Variants in NCALD observed in about 807,000 individuals in gnomAD.
The protein encoded by NCALD is neurocalcin delta, also known as neurocalcin-delta.
Under a neutral mutation model 18.6 loss-of-function variants are expected in NCALD, and 10 were observed. That is an observed-to-expected ratio of 0.54 (90% CI 0.33 to 0.91). The LOEUF (loss-of-function observed/expected upper bound fraction) is 0.91. NCALD is among the 40% of genes least tolerant of loss of function. NCALD has a pLI of 0.03. For missense variants in NCALD, 184 were observed against 247.6 expected (o/e 0.74, Z 1.72); for synonymous variants, 88 against 87.4 (o/e 1.01, Z -0.04).
At chr8:101,830,008 A>G (rs370057845) in intron 4 of NCALD, among the ~76,000 whole-genome samples, 8 of 134,706 alleles carry the variant, frequency 5.9e-5, no homozygotes, top group African/African-American at 2.3e-4. Flanking sequence ...AACAAGTCTC[A>G]AAAGAAGCTG....
At position 102,063,037 on chromosome 8, in the gene NCALD, A is replaced by C. The variant is rs184624448; in HGVS notation, c.-209-42748T>G. Among the ~76,000 whole-genome samples, 18 of 152,338 alleles carry C rather than the reference A, an allele frequency of 1.2e-4. No homozygotes were observed. In the East Asian group the frequency reaches 3.5e-3, roughly 29 times the overall value. ...TATTATAACTCACTTAAATATATAG[A>C]AATACAAAATGATTTATATGCTTGT... On this transcript the variant is annotated intron_variant, in intron 1 of 6. Coordinates refer to the NCALD transcript ENST00000311028.
At chr8:101,772,671 GCCT>G in intron 1 of NCALD, among the ~76,000 whole-genome samples, 1 of 152,206 alleles carries the variant, frequency 6.6e-6, no homozygotes, top group Middle Eastern at 3.4e-3. Context: ...ATGCCATTTG[GCCT>G]CCTGGTACCT....
At chr8:101,912,910 C>T (rs926478107) in intron 3 of NCALD, among the ~76,000 whole-genome samples, 1 of 152,260 alleles carries the variant, frequency 6.6e-6, no homozygotes, top group African/African-American at 2.4e-5. Context: ...AAGGCATAAG[C>T]TGCCATGTTG....
chr8:101,785,620 C>T (rs544816287), intron 1 of NCALD, among the ~76,000 whole-genome samples: 23 of 152,202 alleles, frequency 1.5e-4, no homozygotes, highest in Middle Eastern at 3.4e-3. Flanking sequence ...TTTATTACAG[C>T]AGTGACCCTG....
chr8:102,123,889 C>G (rs1826025673), intron 1 of NCALD: 1 of 152,856 alleles, frequency 6.5e-6, no homozygotes, highest in South Asian at 2.0e-4. Context: ...CCAACGCCCC[C>G]TTCTGCCCAG....
rs1821617814 is a variant in NCALD, at chr8:102,004,542, A to G, written c.-157+15695T>C. Among the ~76,000 whole-genome samples the G allele has an allele frequency of 2.6e-5, 4 of 152,276 alleles. No homozygotes were observed. The South Asian group carries it at 8.3e-4, about 32-fold the overall frequency. On this transcript the variant is annotated intron_variant, in intron 2 of 6. Transcript: ENST00000311028. ...TGGAAAAAACTACTTTAAAGTTCAT[A>G]TGGAACCAAAAAAGAGCCCGCATCG...
chr8:101,691,698 G>A (rs1483411713), intron 3 of NCALD: 7 of 985,268 alleles, frequency 7.1e-6, no homozygotes, highest in Non-Finnish European at 8.4e-6. Flanking sequence ...CCTTTGTGGA[G>A]GAAACAAGCA....
At chr8:101,779,462 A>G (rs536375568) in intron 1 of NCALD, among the ~76,000 whole-genome samples, 2 of 152,298 alleles carry the variant, frequency 1.3e-5, no homozygotes, top group South Asian at 4.1e-4. Flanking sequence ...TTAGAAAAAT[A>G]AATATACATA....
chr8:101,976,526 T>C (rs1162708346), intron 2 of NCALD, among the ~76,000 whole-genome samples: 4 of 152,254 alleles, frequency 2.6e-5, no homozygotes, highest in African/African-American at 9.6e-5. Context: ...AGGCTAGTTG[T>C]AGCATTTGAT....
intron 2 of NCALD, among the ~76,000 whole-genome samples, chr8:101,708,104 C>A (rs920645489): frequency 6.6e-6 from 1 of 152,156 alleles, no homozygotes; most frequent in African/African-American, 2.4e-5. Context: ...CAAACCCAGA[C>A]AGACTGTCCC....
chr8:102,038,636 A>G (rs760975797), intron 1 of NCALD, among the ~76,000 whole-genome samples: 10 of 152,172 alleles, frequency 6.6e-5, no homozygotes, highest in Non-Finnish European at 1.5e-4. Flanking sequence ...TGGCATATCC[A>G]TATTCATTAG....
intron 2 of NCALD, among the ~76,000 whole-genome samples, chr8:101,980,430 G>T (rs1820576512): frequency 6.6e-6 from 1 of 152,166 alleles, no homozygotes; most frequent in African/African-American, 2.4e-5. Context: ...GGGGCTGCAG[G>T]TTTTTAAAAG....
At chr8:101,691,728 CACAAA>C in intron 3 of NCALD, 1 of 985,378 alleles carries the variant, frequency 1.0e-6, no homozygotes, top group Non-Finnish European at 1.2e-6. Context: ...GCCCATACCA[CACAAA>C]CCCAGATTCT....
intron 2 of NCALD, among the ~76,000 whole-genome samples, chr8:101,937,531 T>C (rs1818808662): frequency 6.6e-6 from 1 of 152,218 alleles, no homozygotes; most frequent in African/African-American, 2.4e-5. Context: ...TTCTTTTTTG[T>C]GGCTGCATAG....
intron 2 of NCALD, among the ~76,000 whole-genome samples, chr8:102,010,647 G>T (rs930528579): frequency 2.0e-5 from 3 of 152,206 alleles, no homozygotes; most frequent in Non-Finnish European, 2.9e-5. Context: ...AAGAGTAAAA[G>T]GAGAGCTGTC....
At chr8:101,816,099 T>G (rs576531594) in intron 4 of NCALD, among the ~76,000 whole-genome samples, 29 of 152,154 alleles carry the variant, frequency 1.9e-4, no homozygotes, top group Admixed American at 1.7e-3. Flanking sequence ...GGCAAAACTA[T>G]GGATACAATA....
chr8:101,741,763 CAAAAAAAA>C (rs68064092), intron 1 of NCALD, among the ~76,000 whole-genome samples: 11,083 of 70,170 alleles, frequency 0.16, 1,339 homozygotes, highest in African/African-American at 0.36. Context: ...CTCATCTCTA[CAAAAAAAA>C]AAAAAAAAAA....
intron 1 of NCALD, among the ~76,000 whole-genome samples, chr8:102,060,135 C>T (rs1703522653): frequency 6.6e-6 from 1 of 152,148 alleles, no homozygotes; most frequent in African/African-American, 2.4e-5. Context: ...CATGTGCCAC[C>T]ATGCCTGGCT....
intron 2 of NCALD, among the ~76,000 whole-genome samples, chr8:101,705,905 T>C (rs967376912): frequency 2.1e-4 from 32 of 152,204 alleles, no homozygotes; most frequent in Non-Finnish European, 3.7e-4. Flanking sequence ...GCTAAATAAA[T>C]GATTGTTGTT....
Sources: gnomAD v4.1 joint callset for allele counts (sites outside exome capture counted in the v4.1 genomes callset) on GRCh38, gnomAD v4.1.1 for gene constraint, MANE v1.5 for transcripts, NCBI Gene and HGNC (gene_info 2026-07-23, HGNC 2026-07-21) for gene names.